Variants in NDRG4 observed in about 807,000 individuals in gnomAD.
NDRG4 encodes NDRG family member 4, also known as protein NDRG4.
Under a neutral mutation model 55.8 loss-of-function variants are expected in NDRG4, and 38 were observed. The ratio of observed to expected loss-of-function variants is 0.68; its 90% CI spans 0.53 to 0.89. The LOEUF is 0.89. NDRG4 is among the 40% of genes least tolerant of loss of function. The pLI is 0.00. For missense variants in NDRG4, 455 were observed against 468.6 expected (o/e 0.97, Z 0.27); for synonymous variants, 190 against 182.7 (o/e 1.04, Z -0.32).
At chr16:58,508,561 A>C (rs1395002634) in intron 10 of NDRG4, among the ~76,000 whole-genome samples, 1 of 152,094 alleles carries the variant, frequency 6.6e-6, no homozygotes, top group Non-Finnish European at 1.5e-5. Context: ...TCCCATGCCC[A>C]CTGGGAGGTC....
In NDRG4 at chr16:58,507,660, A is replaced by G. The variant is rs1597333345; in HGVS notation, c.621-148A>G. 5.2e-6 allele frequency: 4 copies of G among 764,376 alleles called. No homozygotes were observed. In the East Asian group the frequency reaches 8.1e-5, roughly 15 times the overall value. The allele number at this position is 764,376 out of a possible 1,614,324, so 47.3% of individuals were successfully genotyped here. A position where few individuals can be genotyped will look rare whatever the true frequency, so the allele number is the denominator to read the frequency against. ...CACCTGGTATGTGCTAGGGAGTCCA[A>G]AAAGCCGTGACAGGGAGCCTCCAGT... On this transcript the variant is annotated intron_variant, in intron 8 of 14. Coordinates refer to ENST00000570248, the MANE Select transcript of NDRG4 (RefSeq NM_001242835.2).
chr16:58,467,045 G>A (rs536115392), intron 1 of NDRG4, among the ~76,000 whole-genome samples: 5 of 152,270 alleles, frequency 3.3e-5, no homozygotes, highest in South Asian at 4.2e-4. Context: ...GTCACAGTCC[G>A]GGAGGTGGCC....
rs2031236463 is a variant in NDRG4 at position 58,464,711 on chromosome 16, G to C, written c.-24+914G>C. ...GCACCGGTCAGGGGGTGGCCCCATGGGGTCTCTGACCAGCGGAGCTCGGAT... is the reference window on the plus strand; with the variant it reads ...GCACCGGTCAGGGGGTGGCCCCATGCGGTCTCTGACCAGCGGAGCTCGGAT... On this transcript the variant is annotated intron_variant, in intron 1 of 15. Coordinates refer to the NDRG4 transcript ENST00000258187. The surrounding 1 kb of genome is among the most constrained non-coding windows in gnomAD (Gnocchi z 4.8). The C allele has an allele frequency of 8.1e-7, 1 of 1,236,538 alleles. No individual in the cohort carries two copies. The highest frequency in any genetic ancestry group is 3.0e-5 in the South Asian group (1 of 33,498). The allele number at this position is 1,236,538 out of a possible 1,614,324, so 76.6% of individuals were successfully genotyped here. A position where few individuals can be genotyped will look rare whatever the true frequency, so the allele number is the denominator to read the frequency against.
At chr16:58,486,820 G>A (rs372942821) in intron 1 of NDRG4, among the ~76,000 whole-genome samples, 103 of 151,954 alleles carry the variant, frequency 6.8e-4, no homozygotes, top group African/African-American at 2.3e-3. Context: ...ATTAGGGCCC[G>A]GGCCCACCCT....
chr16:58,476,505 CCTTT>C (rs1295374372), intron 1 of NDRG4, among the ~76,000 whole-genome samples: 3 of 142,892 alleles, frequency 2.1e-5, no homozygotes, highest in African/African-American at 8.2e-5. Context: ...TGTGTTATGT[CCTTT>C]CTAAGATGCA....
At chr16:58,499,740 C>A (rs987777009), upstream of NDRG4, 1 of 198,486 alleles carries the variant, frequency 5.0e-6, no homozygotes, top group East Asian at 1.7e-4. Flanking sequence ...GCTGTCTGGG[C>A]AGTGCCCATG....
chr16:58,491,222 G>T (rs896528691), intron 2 of NDRG4, among the ~76,000 whole-genome samples: 11 of 152,004 alleles, frequency 7.2e-5, no homozygotes, highest in Non-Finnish European at 1.5e-4. Context: ...GTGGCAGTGA[G>T]CCCAGATCTC....
chr16:58,494,511 C>A (rs1044704911), intron 2 of NDRG4, among the ~76,000 whole-genome samples: 3 of 152,168 alleles, frequency 2.0e-5, no homozygotes, highest in African/African-American at 7.2e-5. Flanking sequence ...GACATTCCAG[C>A]ACTTTCTAGC....
chr16:58,503,915 C>T lies in NDRG4; in HGVS notation c.127+12C>T. 1 of 1,613,234 alleles carries T rather than the reference C, an allele frequency of 6.2e-7. No individual in the cohort carries two copies. Among genetic ancestry groups the T allele is most frequent in the East Asian group, 2.2e-5 (1 of 44,862 alleles). ...TGTGGGCCTCAACCGTAAGTGCAGC[C>T]CAGCCTCAGTCAGCCCTCCTCTGCC... is the stretch of plus-strand genomic sequence containing the variant. On this transcript the variant is annotated intron_variant, in intron 2 of 14. Coordinates refer to ENST00000570248, the MANE Select transcript of NDRG4 (RefSeq NM_001242835.2).
chr16:58,514,175 G>A (rs1168696252), downstream of NDRG4, among the ~76,000 whole-genome samples: 3 of 152,050 alleles, frequency 2.0e-5, no homozygotes, highest in Non-Finnish European at 4.4e-5. Flanking sequence ...CCTAAACTTT[G>A]ATATGATTTT....
At chr16:58,492,483 C>T (rs936913908) in intron 2 of NDRG4, among the ~76,000 whole-genome samples, 1 of 147,558 alleles carries the variant, frequency 6.8e-6, no homozygotes, top group African/African-American at 2.5e-5. Context: ...CCATTATCTG[C>T]TCCACCGTGT....
At chr16:58,500,345 T>A (rs2036919119) in intron 1 of NDRG4, 76 bp downstream of exon 1, 1 of 1,507,900 alleles carries the variant, frequency 6.6e-7, no homozygotes, top group African/African-American at 1.4e-5. Flanking sequence ...AGGGAGGAAG[T>A]GCCCCCCTCA....
chr16:58,482,277 G>A lies in NDRG4; in HGVS notation c.-23-5479G>A, dbSNP rs371663619. On this transcript the variant is annotated intron_variant, in intron 1 of 15. Coordinates refer to the NDRG4 transcript ENST00000258187. ...GTGGACCGGACCTTGACCCTGACCT[G>A]TGGGTCCCCTTCACCCCTGTGGTTG... Among the ~76,000 whole-genome samples, 4 of 152,238 alleles carry A rather than the reference G, an allele frequency of 2.6e-5. No homozygotes were observed. In the East Asian group the frequency reaches 7.7e-4, roughly 29 times the overall value.
At position 58,509,305 on chromosome 16, in the gene NDRG4, G is replaced by A. The variant is rs1298927423; in HGVS notation, c.818G>A (p.Gly273Glu). Reference protein sequence around the residue: ...SGGLPQVTQPGKLTEAFKYFL... With the variant: ...SGGLPQVTQPEKLTEAFKYFL... ...TGCTTGTCCTGCCCTCCGCAGCCAG[G>A]GAAGCTGACTGAAGCCTTCAAATAC... The change falls in exon 13 of 15, where the codon GGG (glycine) becomes GAG (glutamate). Residue 273 changes from glycine to glutamate, a missense_variant. By Grantham distance (98) the Gly-to-Glu change is moderately conservative. Transcript: ENST00000570248. 6.2e-7 allele frequency: 1 copy of A among 1,614,094 alleles called. No homozygotes were observed. Among genetic ancestry groups the A allele is most frequent in the Admixed American group, 1.7e-5 (1 of 60,028 alleles).
At chr16:58,466,894 G>A (rs2151538436) in intron 1 of NDRG4, among the ~76,000 whole-genome samples, 1 of 152,308 alleles carries the variant, frequency 6.6e-6, no homozygotes, top group South Asian at 2.1e-4. Flanking sequence ...TTGGGACCTA[G>A]ACCCTGGTGG....
In NDRG4 at chr16:58,500,182, C is replaced by T; in HGVS notation, c.-67C>T. The T allele has an allele frequency of 3.9e-6, 6 of 1,536,036 alleles. No individual in the cohort carries two copies. Among genetic ancestry groups the T allele is most frequent in the Non-Finnish European group, 5.2e-6 (6 of 1,146,854 alleles). ...CTCCCACTCGAGCTGCCCCCGCCCT[C>T]TGGACCCGAGTGACTCAGGCCTTTG... On this transcript the variant is annotated 5_prime_UTR_variant, in exon 1 of 15. Transcript: ENST00000570248.
At chr16:58,498,108 A>G (rs2036611595), upstream of NDRG4, among the ~76,000 whole-genome samples, 1 of 152,056 alleles carries the variant, frequency 6.6e-6, no homozygotes, top group African/African-American at 2.4e-5. Context: ...CCTGGGTCCA[A>G]AGGTGGGGAG....
At chr16:58,469,663 C>T (rs1315772736) in intron 1 of NDRG4, among the ~76,000 whole-genome samples, 3 of 152,146 alleles carry the variant, frequency 2.0e-5, no homozygotes, top group African/African-American at 7.2e-5. Context: ...CAGGTAGCTA[C>T]GAATTATACT....
At chr16:58,510,125 C>T (rs1440998364) in intron 13 of NDRG4, among the ~76,000 whole-genome samples, 1 of 152,218 alleles carries the variant, frequency 6.6e-6, no homozygotes, top group Admixed American at 6.5e-5. Context: ...GGAGGGCTGC[C>T]TGTGGGAAGG....
Sources: allele counts gnomAD v4.1 joint callset (sites outside exome capture counted in the v4.1 genomes callset), GRCh38; gene constraint gnomAD v4.1.1; non-coding constraint Gnocchi (gnomAD v3.1); transcripts MANE v1.5; gene names NCBI Gene and HGNC (gene_info 2026-07-23, HGNC 2026-07-21).